CEP63: variants seen among roughly 807,000 people sequenced by gnomAD.
CEP63 encodes centrosomal protein of 63 kDa.
CEP63 carries 84 observed loss-of-function variants against 89.1 expected under a neutral mutation model. The observed-to-expected ratio is 0.94, with a 90% CI of 0.79 to 1.13. CEP63 has a LOEUF of 1.13. CEP63 is among the 50% of genes most tolerant of loss of function. The pLI, the probability that CEP63 is intolerant of heterozygous loss-of-function variation, is 0.00. For synonymous variants in CEP63, 267 were observed against 272.5 expected (o/e 0.98, Z 0.20); for missense variants, 838 against 813.3 (o/e 1.03, Z -0.37).
At chr3:134,604,138 CTGGTG>C in the CEP63 span, 1 of 1,608,358 alleles carries the variant, frequency 6.2e-7, no homozygotes. Context: ...GCGCCCGTCG[CTGGTG>C]TGGATGATAG....
At chr3:134,579,739 T>C (rs1958299977), downstream of CEP63, among the ~76,000 whole-genome samples, 1 of 152,230 alleles carries the variant, frequency 6.6e-6, no homozygotes. Context: ...TATGTTGATA[T>C]AAAGACATCA....
chr3:134,534,238 A>G (rs1026344790), intron 5 of CEP63, among the ~76,000 whole-genome samples: 4 of 152,190 alleles, frequency 2.6e-5, no homozygotes, highest in Admixed American at 6.5e-5. Context: ...GATGATGCTT[A>G]TAATACTCTG....
chr3:134,658,876 A>C, the CEP63 span, among the ~76,000 whole-genome samples: 1 of 152,282 alleles, frequency 6.6e-6, no homozygotes, highest in African/African-American at 2.4e-5. Context: ...TCATGCTGTT[A>C]AGAGCAATTT....
chr3:134,491,638 C>CT lies in CEP63; in HGVS notation c.-25-3657dup, dbSNP rs1177445391. Among the ~76,000 whole-genome samples the CT allele has an allele frequency of 3.9e-5, 6 of 152,196 alleles. 1 individual carries two copies. In the South Asian group the frequency reaches 1.0e-3, roughly 26 times the overall value. ...AACTTTAATATTTTGAAAAGTTTCTCTAATACCTTATTTACTGGTATCAGT... is the reference window on the plus strand; with the variant it reads ...AACTTTAATATTTTGAAAAGTTTCTCTTAATACCTTATTTACTGGTATCAGT... On this transcript the variant is annotated intron_variant, in intron 1 of 14. Transcript: ENST00000675561.
intron 3 of CEP63, among the ~76,000 whole-genome samples, chr3:134,513,035 T>A (rs1945358981): frequency 6.6e-6 from 1 of 152,210 alleles, no homozygotes; most frequent in Non-Finnish European, 1.5e-5. Context: ...AACAAGGCAA[T>A]TAATCTGTCC....
At chr3:134,631,262 A>G in the CEP63 span, among the ~76,000 whole-genome samples, 1 of 152,254 alleles carries the variant, frequency 6.6e-6, no homozygotes, top group African/African-American at 2.4e-5. Flanking sequence ...GATAAATGTA[A>G]GAAAATCCAA....
intron 5 of CEP63, 197 bp from the exon 6 acceptor site, chr3:134,536,958 A>G (rs568329141): frequency 5.4e-5 from 31 of 578,592 alleles, no homozygotes; most frequent in South Asian, 5.3e-4. Context: ...AAAGACAGAT[A>G]TCCAGAGGCA....
chr3:134,497,555 A>C (rs540438818), intron 2 of CEP63, among the ~76,000 whole-genome samples: 2 of 152,004 alleles, frequency 1.3e-5, no homozygotes, highest in African/African-American at 4.8e-5. Context: ...TTTTTTTAAG[A>C]GATGAGATCT....
Position 134,530,910 on chromosome 3 carries a change from C to T in CEP63, c.223-935C>T, listed in dbSNP as rs575549702. Among the ~76,000 whole-genome samples the T allele has an allele frequency of 2.6e-5, 4 of 152,300 alleles. No homozygotes were observed. The East Asian group carries it at 7.7e-4, about 29-fold the overall frequency. ...TACTCCCTTGTGTTCCCTGTTTTCC[C>T]TCTCCCTCCCTACTTACCAGTAGAT... is the stretch of plus-strand genomic sequence containing the variant. On this transcript the variant is annotated intron_variant, in intron 3 of 14. Coordinates refer to ENST00000675561, the MANE Select transcript of CEP63 (RefSeq NM_001353108.3).
At chr3:134,688,292 T>G in the CEP63 span, among the ~76,000 whole-genome samples, 1 of 152,232 alleles carries the variant, frequency 6.6e-6, no homozygotes, top group Non-Finnish European at 1.5e-5. Flanking sequence ...TAAGACATTA[T>G]GTATATTGTA....
the CEP63 span, chr3:134,651,049 C>A: frequency 6.4e-7 from 1 of 1,565,662 alleles, no homozygotes; most frequent in Non-Finnish European, 8.6e-7. Context: ...CTGCCCCACA[C>A]GGGAGAGGGC....
At chr3:134,528,553 G>GGTGTGTGTGTGT (rs71139537) in intron 3 of CEP63, among the ~76,000 whole-genome samples, 3 of 108,818 alleles carry the variant, frequency 2.8e-5, no homozygotes, top group Non-Finnish European at 4.0e-5. Flanking sequence ...CTTAAGGAGG[G>GGTGTGTGTGTGT]GTGTGTGTGT....
the CEP63 span, among the ~76,000 whole-genome samples, chr3:134,695,554 C>A: frequency 6.6e-6 from 1 of 152,140 alleles, no homozygotes; most frequent in Non-Finnish European, 1.5e-5. Flanking sequence ...TGGCAGGTGA[C>A]GGCTATGCCA....
chr3:134,692,047 T>C, the CEP63 span, among the ~76,000 whole-genome samples: 5 of 152,218 alleles, frequency 3.3e-5, no homozygotes, highest in East Asian at 7.7e-4. Flanking sequence ...CCTTTGGTGT[T>C]TGGTGCCTTG....
chr3:134,623,733 C>T, the CEP63 span, among the ~76,000 whole-genome samples: 21 of 152,166 alleles, frequency 1.4e-4, no homozygotes, highest in African/African-American at 4.3e-4. Context: ...GTAAGGTGCA[C>T]TTTGATGCTG....
At chr3:134,510,570 C>T (rs552772084) in intron 3 of CEP63, 9 of 563,776 alleles carry the variant, frequency 1.6e-5, no homozygotes, top group African/African-American at 1.6e-4. Flanking sequence ...CCTGTGAACA[C>T]ATTTGGGGCA....
At chr3:134,643,771 G>A in the CEP63 span, among the ~76,000 whole-genome samples, 1 of 151,834 alleles carries the variant, frequency 6.6e-6, no homozygotes, top group South Asian at 2.1e-4. Context: ...CAGGCTGGGA[G>A]GTTCTGACCT....
rs758444154 is a variant in CEP63 at position 134,507,266 on chromosome 3, T to C, written c.202T>C (p.Leu68=). The C allele has an allele frequency of 7.4e-6, 12 of 1,613,386 alleles. No homozygotes were observed. Among genetic ancestry groups the C allele is most frequent in the African/African-American group, 1.3e-5 (1 of 74,904 alleles). ...GGAACTTAAGAGTCTTAGGAGTCAG[T>C]TGGATGTGACACATAAGGAGGTAAA... ...EQELKSLRSQ[L]DVTHKEVGML... The change falls in exon 3 of 15, where the codon TTG becomes CTG. Residue 68 remains leucine, a synonymous_variant. Coordinates refer to ENST00000675561, the MANE Select transcript of CEP63 (RefSeq NM_001353108.3).
chr3:134,726,489 C>A, the CEP63 span, among the ~76,000 whole-genome samples: 17 of 151,614 alleles, frequency 1.1e-4, no homozygotes, highest in South Asian at 2.1e-4. Flanking sequence ...CACACACACA[C>A]ACACACACAC....
Sources: allele counts gnomAD v4.1 joint callset (sites outside exome capture counted in the v4.1 genomes callset), GRCh38; gene constraint gnomAD v4.1.1; transcripts MANE v1.5; gene names NCBI Gene and HGNC (gene_info 2026-07-23, HGNC 2026-07-21).